The following ITGA4 variants were observed in gnomAD, a reference collection of about 807,000 sequenced individuals.
ITGA4 encodes integrin alpha-4.
In ITGA4, 63 loss-of-function variants were observed where a neutral mutation model predicts 133.6. The observed-to-expected ratio is 0.47, with a 90% CI of 0.38 to 0.58. The LOEUF is 0.58. Ranked by LOEUF, ITGA4 falls within the 20% of genes least tolerant of loss-of-function variation. ITGA4 has a pLI of 0.00. For synonymous variants in ITGA4, 483 were observed against 438.0 expected, an observed-to-expected ratio of 1.10 and a Z score of -1.28; for missense variants, 1,076 against 1,252.7, an observed-to-expected ratio of 0.86 and a Z score of 2.13.
chr2:181,509,179 A>T (rs1183155443), intron 15 of ITGA4, among the ~76,000 whole-genome samples: 6 of 111,344 alleles, frequency 5.4e-5, no homozygotes, highest in African/African-American at 2.0e-4. Context: ...AAAAAAAAAA[A>T]AAACTAAAAA....
At chr2:181,507,295 G>A (rs1686412864) in intron 15 of ITGA4, among the ~76,000 whole-genome samples, 1 of 152,098 alleles carries the variant, frequency 6.6e-6, no homozygotes, top group African/African-American at 2.4e-5. Flanking sequence ...AATTTTTGCA[G>A]TGTCTAAATC....
chr2:181,513,842 GT>G (rs1452093715), intron 17 of ITGA4, among the ~76,000 whole-genome samples: 1 of 152,066 alleles, frequency 6.6e-6, no homozygotes, highest in East Asian at 1.9e-4. Context: ...AAGCCCCCTG[GT>G]CTTCAGCTAC....
chr2:181,492,166 G>A (rs564477235), intron 10 of ITGA4, among the ~76,000 whole-genome samples: 114 of 152,318 alleles, frequency 7.5e-4, no homozygotes, highest in African/African-American at 2.5e-3. Flanking sequence ...CTAGCTGTCC[G>A]ATGAATGAAT....
chr2:181,534,948 C>A lies in ITGA4; in HGVS notation c.3003+13C>A. 6.4e-7 allele frequency: 1 copy of A among 1,552,306 alleles called. No individual in the cohort carries two copies. The highest frequency in any genetic ancestry group is 8.7e-7 in the Non-Finnish European group (1 of 1,155,790). On this transcript the variant is annotated intron_variant, in intron 27 of 27. Transcript: ENST00000397033. Reference sequence around the variant, plus strand: ...TGTTATGTGGAAGGTAAGCATTTAACAATTACCAACATTAGTCTACTAAAA... The same window carrying A: ...TGTTATGTGGAAGGTAAGCATTTAAAAATTACCAACATTAGTCTACTAAAA...
At chr2:181,476,000 C>A in intron 4 of ITGA4, 2 of 1,162,794 alleles carry the variant, frequency 1.7e-6, no homozygotes, top group Non-Finnish European at 2.2e-6. Flanking sequence ...CAAAAAAAAT[C>A]CCTCAGCACG....
chr2:181,501,618 A>G (rs946243668), intron 15 of ITGA4, among the ~76,000 whole-genome samples: 1 of 152,138 alleles, frequency 6.6e-6, no homozygotes, highest in African/African-American at 2.4e-5. Context: ...GAAGTAGTTG[A>G]AGTCAATTTG....
chr2:181,496,741 A>C (rs1239302059), intron 14 of ITGA4, among the ~76,000 whole-genome samples: 1 of 152,232 alleles, frequency 6.6e-6, no homozygotes, highest in African/African-American at 2.4e-5. Context: ...TAGTGAAATG[A>C]GCCTGTGGTA....
At position 181,495,498 on chromosome 2, in the gene ITGA4, G is replaced by A; in HGVS notation, c.1385+82G>A. The A allele has an allele frequency of 1.0e-6, 1 of 992,110 alleles. No homozygotes were observed. Among genetic ancestry groups the A allele is most frequent in the Admixed American group, 1.8e-5 (1 of 56,414 alleles). 61.5% of individuals were successfully genotyped at this position (992,110 alleles called of 1,614,324 possible). Reference sequence around the variant, plus strand: ...GGAGGTGGTGTTTAAAATCAGCAGTGGTAGTGACCTCATGATGCTCTTTTG... The same window carrying A: ...GGAGGTGGTGTTTAAAATCAGCAGTAGTAGTGACCTCATGATGCTCTTTTG... On this transcript the variant is annotated intron_variant, in intron 13 of 27. Coordinates refer to ENST00000397033, the MANE Select transcript of ITGA4 (RefSeq NM_000885.6). The surrounding 1 kb of genome is among the most constrained non-coding windows in gnomAD (Gnocchi z 4.3).
chr2:181,473,948 A>T (rs1012866960), intron 2 of ITGA4, among the ~76,000 whole-genome samples: 3 of 152,240 alleles, frequency 2.0e-5, no homozygotes, highest in African/African-American at 7.2e-5. Flanking sequence ...CTTGGTACCT[A>T]GTGACTAGTG....
At position 181,536,194 on chromosome 2, in the gene ITGA4, T is replaced by C. The variant is rs1559061151; in HGVS notation, c.*667T>C. The C allele has an allele frequency of 6.6e-6, 1 of 151,980 alleles. No individual in the cohort carries two copies. Among genetic ancestry groups the C allele is most frequent in the Non-Finnish European group, 1.5e-5 (1 of 67,962 alleles). The allele number at this position is 151,980 out of a possible 1,614,324, so 9.4% of individuals were successfully genotyped here. On this transcript the variant is annotated 3_prime_UTR_variant, in exon 28 of 28. Coordinates refer to ENST00000397033, the MANE Select transcript of ITGA4 (RefSeq NM_000885.6). The stretch of plus-strand genomic sequence containing the variant: ...TAGTGAAATTACTTCTGGATAATTA[T>C]TTTTTTATAATTATGGATTTCACCA...
At chr2:181,499,257 G>A (rs1044694882) in intron 15 of ITGA4, among the ~76,000 whole-genome samples, 1 of 152,022 alleles carries the variant, frequency 6.6e-6, no homozygotes, top group Admixed American at 6.6e-5. Context: ...TGATGTCAGT[G>A]GGAACTCACA....
chr2:181,470,704 G>A (rs980126412), intron 2 of ITGA4, among the ~76,000 whole-genome samples: 5 of 151,934 alleles, frequency 3.3e-5, no homozygotes, highest in East Asian at 1.9e-4. Context: ...CCAAGATTCC[G>A]CAGGCACAAC....
Position 181,535,823 on chromosome 2 carries a change from G to A in ITGA4, c.*296G>A. On this transcript the variant is annotated 3_prime_UTR_variant, in exon 28 of 28. Transcript: ENST00000397033. ...TAAGCCCTTGAAGATATCTTGAAAT[G>A]AAAGTATAACTGAGTTAAATTATAC... is the stretch of plus-strand genomic sequence containing the variant. The A allele has an allele frequency of 4.7e-6, 1 of 211,492 alleles. No homozygotes were observed. Among genetic ancestry groups the A allele is most frequent in the South Asian group, 1.1e-4 (1 of 9,186 alleles). 13.1% of individuals were successfully genotyped at this position (211,492 alleles called of 1,614,324 possible).
chr2:181,494,852 G>A (rs1686127175), intron 12 of ITGA4, 40 bp downstream of exon 12: 2 of 1,040,664 alleles, frequency 1.9e-6, no homozygotes, highest in Non-Finnish European at 3.0e-6. Context: ...ATTGGAATAA[G>A]CTCTATCATA....
chr2:181,470,918 A>G (rs1299541542), intron 2 of ITGA4, among the ~76,000 whole-genome samples: 1 of 152,066 alleles, frequency 6.6e-6, no homozygotes, highest in Non-Finnish European at 1.5e-5. Flanking sequence ...TTAAGAAAAA[A>G]CCCAGAACAC....
At chr2:181,510,002 T>G (rs1386477489) in intron 16 of ITGA4, 195 bp downstream of exon 16, 1 of 472,216 alleles carries the variant, frequency 2.1e-6, no homozygotes, top group Non-Finnish European at 3.8e-6. Context: ...TTTTAAAATA[T>G]GCATTTAATC....
intron 10 of ITGA4, among the ~76,000 whole-genome samples, chr2:181,491,652 A>G (rs1397206056): frequency 6.8e-6 from 1 of 145,990 alleles, no homozygotes; most frequent in African/African-American, 2.6e-5. Context: ...AGATGTAACC[A>G]CAGTGGTGGA....
chr2:181,466,373 A>G (rs1263472973), intron 2 of ITGA4, among the ~76,000 whole-genome samples: 2 of 152,184 alleles, frequency 1.3e-5, no homozygotes, highest in African/African-American at 4.8e-5. Context: ...ATTGAGCATG[A>G]TTATTGGCCA....
Position 181,534,367 on chromosome 2 carries a change from G to A in ITGA4, c.2880G>A (p.Ala960=), listed in dbSNP as rs201433950. The change falls in exon 26 of 28, where the codon GCG becomes GCA. Residue 960 remains alanine, a synonymous_variant. Coordinates refer to ENST00000397033, the MANE Select transcript of ITGA4 (RefSeq NM_000885.6). ...AACTAAACAAGGATGAGAATGTTGC[G>A]CATGTAAGATTACCCTCTTAACTGC... The part of the protein sequence containing the change: ...VIELNKDENV[A]HVLLEGLHHQ... 5.3e-5 allele frequency: 83 copies of A among 1,553,678 alleles called. No individual in the cohort carries two copies. Among genetic ancestry groups the A allele is most frequent in the African/African-American group, 9.5e-5 (7 of 73,664 alleles).
Sources: allele counts gnomAD v4.1 joint callset (sites outside exome capture counted in the v4.1 genomes callset), GRCh38; gene constraint gnomAD v4.1.1; non-coding constraint Gnocchi (gnomAD v3.1); transcripts MANE v1.5; gene names NCBI Gene and HGNC (gene_info 2026-07-23, HGNC 2026-07-21).